DAGLB: variants seen among roughly 807,000 people sequenced by gnomAD.
DAGLB encodes the protein diacylglycerol lipase beta, also known as diacylglycerol lipase-beta.
In DAGLB, 66 loss-of-function variants were observed where a neutral mutation model predicts 72.1. The observed-to-expected ratio is 0.92, with a 90% CI of 0.75 to 1.12. The LOEUF is 1.12. DAGLB is among the 50% of genes most tolerant of loss of function. The probability of loss-of-function intolerance (pLI) is 0.00; values close to 1 mark genes in which losing one functional copy is unlikely to be tolerated. For synonymous variants in DAGLB, 414 were observed against 359.5 expected (o/e 1.15, Z -1.71); for missense variants, 1,065 against 884.9 (o/e 1.20, Z -2.58).
chr7:6,410,386 GGCGAGACCCAATCAGTAGAATGCT>G lies in DAGLB; in HGVS notation c.1570-30_1570-7del. On this transcript the variant is annotated splice_region_variant and splice_polypyrimidine_tract_variant and intron_variant, in intron 13 of 14. Transcript: ENST00000297056. ...CCGTGCAGCAAGATCTTGTACTGAG[GGCGAGACCCAATCAGTAGAATGCT>G]GTCACTCACCCTCTGTCACCCGAGA... 6.2e-7 allele frequency: 1 copy of G among 1,602,424 alleles called. No homozygotes were observed. Among genetic ancestry groups the G allele is most frequent in the Non-Finnish European group, 8.5e-7 (1 of 1,172,714 alleles).
intron 9 of DAGLB, among the ~76,000 whole-genome samples, chr7:6,419,081 C>CTT (rs1199596102): frequency 1.5e-3 from 189 of 128,164 alleles, no homozygotes; most frequent in Non-Finnish European, 1.9e-3. Flanking sequence ...ATGGCACTTC[C>CTT]TTTTTTTTTT....
intron 2 of DAGLB, among the ~76,000 whole-genome samples, chr7:6,439,143 T>C (rs530038915): frequency 7.3e-5 from 11 of 151,468 alleles, no homozygotes; most frequent in Non-Finnish European, 1.3e-4. Context: ...TAGTCCCAGC[T>C]ACTCAGGAAG....
chr7:6,427,069 C>T (rs1784334713), intron 6 of DAGLB, among the ~76,000 whole-genome samples: 1 of 152,156 alleles, frequency 6.6e-6, no homozygotes, highest in South Asian at 2.1e-4. Context: ...GATCGCGCCA[C>T]TGCACTCCAG....
In DAGLB at chr7:6,441,575, G is replaced by A. The variant is rs146004785; in HGVS notation, c.247+4378C>T. On this transcript the variant is annotated intron_variant, in intron 2 of 14. Coordinates refer to ENST00000297056, the MANE Select transcript of DAGLB (RefSeq NM_139179.4). ...TGTGACTACAGGGGCCCGCCACCACGCCCAGCTAATTTTTTGTATTTTTAG... is the reference window on the plus strand; with the variant it reads ...TGTGACTACAGGGGCCCGCCACCACACCCAGCTAATTTTTTGTATTTTTAG... 6.7e-4 allele frequency among the ~76,000 whole-genome samples: 100 copies of A among 149,416 alleles called. No homozygotes were observed. The East Asian group carries it at 0.018, about 27-fold the overall frequency.
chr7:6,432,260 G>A (rs1324176313), intron 5 of DAGLB, among the ~76,000 whole-genome samples: 1 of 152,050 alleles, frequency 6.6e-6, no homozygotes, highest in Non-Finnish European at 1.5e-5. Context: ...GCTGAGGCAG[G>A]AGAATCACCC....
chr7:6,432,410 C>T (rs1160015448), intron 5 of DAGLB, among the ~76,000 whole-genome samples: 1 of 150,278 alleles, frequency 6.7e-6, no homozygotes, highest in Non-Finnish European at 1.5e-5. Flanking sequence ...GTAATCCCAG[C>T]ACTTTGGGAG....
At chr7:6,447,676 C>T in intron 1 of DAGLB, 72 bp downstream of exon 1, 1 of 1,528,708 alleles carries the variant, frequency 6.5e-7, no homozygotes, top group Non-Finnish European at 8.8e-7. Flanking sequence ...CTTCTGTCAC[C>T]GTCTCAAGGG....
intron 6 of DAGLB, among the ~76,000 whole-genome samples, chr7:6,426,325 C>T (rs760663014): frequency 2.2e-4 from 34 of 152,172 alleles, no homozygotes; most frequent in Non-Finnish European, 2.6e-4. Context: ...GCTGGAGTAC[C>T]GTGGTACAAT....
chr7:6,445,105 A>G (rs1162964629), intron 2 of DAGLB, among the ~76,000 whole-genome samples: 3 of 152,222 alleles, frequency 2.0e-5, no homozygotes, highest in Admixed American at 6.5e-5. Context: ...GCATTAACAC[A>G]TGATCCAGCA....
intron 9 of DAGLB, among the ~76,000 whole-genome samples, chr7:6,418,636 A>T: frequency 6.6e-6 from 1 of 150,940 alleles, no homozygotes; most frequent in East Asian, 1.9e-4. Flanking sequence ...ATGGTTTTTG[A>T]TCATCTCTAA....
chr7:6,441,902 G>C (rs10243258), intron 2 of DAGLB, among the ~76,000 whole-genome samples: 34 of 152,260 alleles, frequency 2.2e-4, no homozygotes, highest in African/African-American at 7.5e-4. Flanking sequence ...ACTGAGTGCA[G>C]AAGCAAGACG....
intron 8 of DAGLB, chr7:6,422,919 A>C (rs1451389684): frequency 6.6e-6 from 1 of 152,344 alleles, no homozygotes; most frequent in East Asian, 1.9e-4. Context: ...TAAATCCATA[A>C]AGGCAATGGG....
chr7:6,432,852 G>A lies in DAGLB; in HGVS notation c.786C>T (p.Ala262=), dbSNP rs2115277701. 6.2e-7 allele frequency: 1 copy of A among 1,613,756 alleles called. No homozygotes were observed. The highest frequency in any genetic ancestry group is 2.2e-5 in the East Asian group (1 of 44,872). The part of the protein sequence containing the change: ...NQEPAQVVCH[A]PGSSQEADLD... ...CCAGGCTCACCTGGGAGCTCCCTGG[G>A]GCATGGCAGACCACCTGGGCAGGCT... Residue 262 remains alanine, a synonymous_variant, in exon 5 of 15, where the codon GCC becomes GCT. Transcript: ENST00000297056.
chr7:6,418,765 C>T (rs1324097271), intron 9 of DAGLB, among the ~76,000 whole-genome samples: 4 of 151,992 alleles, frequency 2.6e-5, no homozygotes, highest in Non-Finnish European at 4.4e-5. Flanking sequence ...CCCGGGTTCA[C>T]GCCATTCTCC....
At chr7:6,428,166 G>A (rs921429935) in intron 6 of DAGLB, among the ~76,000 whole-genome samples, 48 of 152,034 alleles carry the variant, frequency 3.2e-4, no homozygotes, top group Non-Finnish European at 6.2e-4. Flanking sequence ...CCAACACAGC[G>A]AAAACCTGTC....
At chr7:6,431,064 C>A (rs1436782936) in intron 5 of DAGLB, among the ~76,000 whole-genome samples, 1 of 152,092 alleles carries the variant, frequency 6.6e-6, no homozygotes, top group Admixed American at 6.6e-5. Context: ...GCGTGAGCCA[C>A]CACGCCCAGC....
chr7:6,445,824 C>T, intron 2 of DAGLB, 129 bp downstream of exon 2: 3 of 1,062,224 alleles, frequency 2.8e-6, no homozygotes, highest in Non-Finnish European at 3.9e-6. Flanking sequence ...GTGATGGCTG[C>T]ACAACTCTGT....
chr7:6,424,186 C>T (rs1007871956), intron 8 of DAGLB, among the ~76,000 whole-genome samples: 2 of 152,176 alleles, frequency 1.3e-5, no homozygotes, highest in African/African-American at 4.8e-5. Flanking sequence ...AAAGCTTTGA[C>T]AAGGAAAGCG....
chr7:6,424,969 C>G (rs1784257061), intron 7 of DAGLB, 134 bp from the exon 8 acceptor site: 1 of 776,360 alleles, frequency 1.3e-6, no homozygotes, highest in African/African-American at 1.7e-5. Context: ...CGCCTCTCCA[C>G]TCACGCTCAC....
Sources: allele counts gnomAD v4.1 joint callset (sites outside exome capture counted in the v4.1 genomes callset), GRCh38; gene constraint gnomAD v4.1.1; transcripts MANE v1.5; gene names NCBI Gene and HGNC (gene_info 2026-07-23, HGNC 2026-07-21).